Variants in CENPW observed in about 807,000 individuals in gnomAD.
The protein encoded by CENPW is cancer-up-regulated gene 2 protein.
Under a neutral mutation model 11.1 loss-of-function variants are expected in CENPW, and 3 were observed. The ratio of observed to expected loss-of-function variants is 0.27; its 90% CI spans 0.12 to 0.70. The LOEUF is 0.70. Ranked by LOEUF, CENPW falls within the 30% of genes least tolerant of loss-of-function variation. CENPW has a pLI of 0.77. For missense variants in CENPW, 100 were observed against 105.6 expected, an observed-to-expected ratio of 0.95 and a Z score of 0.23; for synonymous variants, 38 against 42.0, an observed-to-expected ratio of 0.91 and a Z score of 0.37.
downstream of CENPW, among the ~76,000 whole-genome samples, chr6:126,350,306 A>G (rs1780476270): frequency 6.6e-6 from 1 of 152,060 alleles, no homozygotes. Flanking sequence ...TTTTTCTCAC[A>G]GTTTTGATGG....
At chr6:126,387,336 C>T in the CENPW span, among the ~76,000 whole-genome samples, 1 of 151,844 alleles carries the variant, frequency 6.6e-6, no homozygotes, top group Non-Finnish European at 1.5e-5. Flanking sequence ...TAGAAGTATT[C>T]ATTAAGTATA....
downstream of CENPW, among the ~76,000 whole-genome samples, chr6:126,351,302 C>G (rs1014312008): frequency 3.3e-5 from 5 of 151,910 alleles, no homozygotes; most frequent in Admixed American, 1.3e-4. Flanking sequence ...CAAAAGCCTC[C>G]TTTTGGGAGG....
the CENPW span, among the ~76,000 whole-genome samples, chr6:126,411,692 A>G: frequency 6.6e-6 from 1 of 152,040 alleles, no homozygotes; most frequent in Non-Finnish European, 1.5e-5. Flanking sequence ...TCTGACTCCA[A>G]GGGTAAAGGA....
chr6:126,451,650 G>A, the CENPW span, among the ~76,000 whole-genome samples: 1 of 151,056 alleles, frequency 6.6e-6, no homozygotes, highest in East Asian at 2.0e-4. Context: ...CTTCTGATCA[G>A]TGGAGGCATG....
chr6:126,477,339 A>G, the CENPW span, among the ~76,000 whole-genome samples: 6 of 152,026 alleles, frequency 3.9e-5, no homozygotes, highest in Admixed American at 2.6e-4. Flanking sequence ...TTACAACCAA[A>G]AGAGATTGGC....
At chr6:126,422,378 A>C in the CENPW span, among the ~76,000 whole-genome samples, 7 of 152,218 alleles carry the variant, frequency 4.6e-5, 1 homozygote, top group South Asian at 1.5e-3. Context: ...GGAGACCGGA[A>C]ATCTAAGACA....
the CENPW span, among the ~76,000 whole-genome samples, chr6:126,409,866 C>G: frequency 1.1e-4 from 17 of 151,926 alleles, no homozygotes; most frequent in African/African-American, 3.6e-4. Flanking sequence ...ATCCATTCAG[C>G]TAGTCTATGT....
At chr6:126,381,136 C>G in the CENPW span, among the ~76,000 whole-genome samples, 2 of 152,232 alleles carry the variant, frequency 1.3e-5, no homozygotes, top group Non-Finnish European at 2.9e-5. Flanking sequence ...CGGCCAAATC[C>G]TGTTGCTGTA....
the CENPW span, among the ~76,000 whole-genome samples, chr6:126,476,695 A>G: frequency 2.6e-5 from 4 of 152,016 alleles, no homozygotes; most frequent in African/African-American, 9.7e-5. Flanking sequence ...TCTCAGTATG[A>G]GAGAATATCA....
At chr6:126,371,611 G>A in the CENPW span, among the ~76,000 whole-genome samples, 1 of 152,064 alleles carries the variant, frequency 6.6e-6, no homozygotes, top group Admixed American at 6.5e-5. Context: ...AATGATTTAG[G>A]GAGGATTCCC....
At chr6:126,458,997 A>C in the CENPW span, among the ~76,000 whole-genome samples, 2 of 151,492 alleles carry the variant, frequency 1.3e-5, no homozygotes, top group South Asian at 4.2e-4. Flanking sequence ...GTTTTCTCTG[A>C]TTATTCTAGT....
chr6:126,357,688 A>T, the CENPW span, among the ~76,000 whole-genome samples: 1 of 151,660 alleles, frequency 6.6e-6, no homozygotes, highest in Admixed American at 6.6e-5. Flanking sequence ...GGCTCACTGC[A>T]ACCTCCACCT....
chr6:126,347,110 C>T (rs953569232), intron 2 of CENPW, among the ~76,000 whole-genome samples: 2 of 152,128 alleles, frequency 1.3e-5, no homozygotes, highest in Admixed American at 1.3e-4. Context: ...TCAGATGCTT[C>T]TGTTGTCAAA....
At chr6:126,363,753 T>G in the CENPW span, among the ~76,000 whole-genome samples, 29 of 152,256 alleles carry the variant, frequency 1.9e-4, no homozygotes, top group East Asian at 4.6e-3. Flanking sequence ...TCTAAGAAAA[T>G]CTCCTATCAA....
chr6:126,405,111 G>T, the CENPW span, among the ~76,000 whole-genome samples: 1 of 151,836 alleles, frequency 6.6e-6, no homozygotes, highest in Non-Finnish European at 1.5e-5. Context: ...TCCTGTTTTC[G>T]TCAGGTAGAT....
chr6:126,392,369 C>A, the CENPW span, among the ~76,000 whole-genome samples: 1 of 151,694 alleles, frequency 6.6e-6, no homozygotes, highest in African/African-American at 2.4e-5. Context: ...GATTTGGTAT[C>A]CTTATTGTTT....
chr6:126,388,969 T>C, the CENPW span, among the ~76,000 whole-genome samples: 9 of 151,848 alleles, frequency 5.9e-5, no homozygotes, highest in Admixed American at 1.3e-4. Flanking sequence ...AGGGTTTCCA[T>C]AGATTTGATG....
the CENPW span, among the ~76,000 whole-genome samples, chr6:126,389,596 T>A: frequency 6.6e-6 from 1 of 151,710 alleles, no homozygotes; most frequent in East Asian, 1.9e-4. Context: ...TGGCTTTACT[T>A]TTTGAGTTCC....
the CENPW span, among the ~76,000 whole-genome samples, chr6:126,418,701 C>T: frequency 6.6e-6 from 1 of 151,864 alleles, no homozygotes; most frequent in Non-Finnish European, 1.5e-5. Context: ...GTTTATAGCT[C>T]CAAAAATAAT....
Sources: gnomAD v4.1 joint callset for allele counts (sites outside exome capture counted in the v4.1 genomes callset) on GRCh38, gnomAD v4.1.1 for gene constraint, MANE v1.5 for transcripts, NCBI Gene and HGNC (gene_info 2026-07-23, HGNC 2026-07-21) for gene names.